Variants in GK observed in about 807,000 individuals in gnomAD.
GK encodes glycerol kinase.
In GK, 9 loss-of-function variants were observed where a neutral mutation model predicts 56.4. The ratio of observed to expected loss-of-function variants is 0.16; its 90% CI spans 0.10 to 0.28. The LOEUF (loss-of-function observed/expected upper bound fraction) is 0.28, where lower values mean the gene tolerates loss of function less well. Ranked by LOEUF, GK falls within the 10% of genes least tolerant of loss-of-function variation. The pLI is 1.00. For synonymous variants in GK, 104 were observed against 144.1 expected (o/e 0.72, Z 1.99); for missense variants, 161 against 431.4 (o/e 0.37, Z 5.55).
intron 4 of GK, chrX:30,689,631 C>A (rs1403110127): frequency 3.1e-6 from 1 of 324,595 alleles, no homozygotes; most frequent in Admixed American, 3.2e-5. Context: ...CTGCCAAGGT[C>A]AGCTGAGAAG....
chrX:30,671,160 G>A (rs5972207), intron 3 of GK, among the ~76,000 whole-genome samples: 2,946 of 107,939 alleles, frequency 0.027, 116 homozygotes, highest in African/African-American at 0.093. Flanking sequence ...GCGTGGTGGC[G>A]CACACCTGTA....
chrX:30,715,841 T>C lies in GK; in HGVS notation c.976-2697T>C, dbSNP rs760638357. On this transcript the variant is annotated intron_variant, in intron 13 of 20. Transcript: ENST00000427190. ...CAGATAAGTGTTTTTATCTACCTTT[T>C]ATTGTGTTATATTGAATCTAGTTTT... 4.5e-5 allele frequency among the ~76,000 whole-genome samples: 5 copies of C among 112,318 alleles called. No individual in the cohort carries two copies. The South Asian group carries it at 1.8e-3, about 41-fold the overall frequency.
chrX:30,712,048 C>G (rs1936349415), intron 13 of GK, among the ~76,000 whole-genome samples: 1 of 112,215 alleles, frequency 8.9e-6, no homozygotes, highest in Non-Finnish European at 1.9e-5. Context: ...GCATGCATAT[C>G]TGAGTCACTT....
intron 1 of GK, among the ~76,000 whole-genome samples, chrX:30,664,231 T>C (rs1386471148): frequency 1.0e-5 from 1 of 99,906 alleles, no homozygotes; most frequent in Non-Finnish European, 2.0e-5. Context: ...TTCACTCTTG[T>C]TGCCCAGGCT....
Position 30,730,872 on chromosome X carries a change from C to T in GK, c.*2130C>T, listed in dbSNP as rs1484324465. The T allele has an allele frequency of 1.8e-5, 2 of 111,588 alleles. No homozygotes were observed. Among genetic ancestry groups the T allele is most frequent in the Non-Finnish European group, 3.8e-5 (2 of 53,138 alleles). 9.2% of individuals were successfully genotyped at this position (111,588 alleles called of 1,213,427 possible). ...GGGCACACTCTGAAGAGTTAACCAA[C>T]AGCCAAAGAAGTAATTTCTGTAATG... On this transcript the variant is annotated 3_prime_UTR_variant, in exon 21 of 21. Transcript: ENST00000427190.
At chrX:30,653,692 C>T in intron 1 of GK, 77 bp downstream of exon 1, 1 of 924,159 alleles carries the variant, frequency 1.1e-6, no homozygotes, top group Non-Finnish European at 1.6e-6. Context: ...CTGTTGTGTC[C>T]CCATCCCGCA....
intron 4 of GK, among the ~76,000 whole-genome samples, chrX:30,689,104 CTAAA>C (rs2147189714): frequency 8.9e-6 from 1 of 112,670 alleles, no homozygotes; most frequent in East Asian, 2.8e-4. Flanking sequence ...TCAAAACTCA[CTAAA>C]TTCATTTTTA....
chrX:30,695,773 A>G (rs1327738037), intron 6 of GK, among the ~76,000 whole-genome samples: 17 of 112,426 alleles, frequency 1.5e-4, no homozygotes, highest in African/African-American at 5.2e-4. Flanking sequence ...CCGATTTTTT[A>G]TTTATCCATC....
chrX:30,692,109 G>A (rs192441780), intron 5 of GK, among the ~76,000 whole-genome samples: 3 of 110,781 alleles, frequency 2.7e-5, no homozygotes, highest in African/African-American at 3.3e-5. Context: ...TGTTTATCCC[G>A]TTTTTATTTG....
chrX:30,704,631 G>A (rs1163006044), intron 11 of GK, among the ~76,000 whole-genome samples: 2 of 108,795 alleles, frequency 1.8e-5, no homozygotes, highest in Non-Finnish European at 3.8e-5. Flanking sequence ...GAGTGCAGTG[G>A]CATGATCTCA....
chrX:30,678,673 T>G (rs1315542176), intron 4 of GK, among the ~76,000 whole-genome samples: 1 of 69,490 alleles, frequency 1.4e-5, no homozygotes, highest in Non-Finnish European at 3.2e-5. Context: ...TCTGTGGTGT[T>G]TTTTTTTTTT....
chrX:30,673,919 G>A (rs901947999), intron 3 of GK, among the ~76,000 whole-genome samples: 2 of 111,234 alleles, frequency 1.8e-5, no homozygotes, highest in Non-Finnish European at 3.8e-5. Context: ...TTGTAAAGTT[G>A]TCACACGCAC....
At chrX:30,691,749 G>A (rs995391268) in intron 5 of GK, among the ~76,000 whole-genome samples, 2 of 110,103 alleles carry the variant, frequency 1.8e-5, no homozygotes, top group Non-Finnish European at 3.8e-5. Context: ...TGGTGGGAGG[G>A]GTGCTTTCTA....
chrX:30,716,918 A>G (rs182282948), intron 13 of GK, among the ~76,000 whole-genome samples: 1 of 112,303 alleles, frequency 8.9e-6, no homozygotes, highest in Admixed American at 9.5e-5. Flanking sequence ...CCTGTGGTTA[A>G]AAAGCCATTT....
chrX:30,707,314 G>A (rs1156901027), intron 11 of GK, among the ~76,000 whole-genome samples: 1 of 101,264 alleles, frequency 9.9e-6, no homozygotes, highest in African/African-American at 3.7e-5. Flanking sequence ...TGGTGACAGA[G>A]CAAGACTCCA....
At chrX:30,719,939 T>G in intron 15 of GK, 72 bp from the exon 16 acceptor site, 1 of 731,435 alleles carries the variant, frequency 1.4e-6, no homozygotes, top group Non-Finnish European at 2.2e-6. Flanking sequence ...ATTTGACCTT[T>G]TCATATTTGA....
chrX:30,697,163 G>A (rs1164328850), intron 8 of GK, among the ~76,000 whole-genome samples: 1 of 112,542 alleles, frequency 8.9e-6, no homozygotes, highest in African/African-American at 3.2e-5. Context: ...AATTAAACTA[G>A]TTTCTGTAAT....
At chrX:30,696,336 C>CA (rs3838210) in intron 7 of GK, among the ~76,000 whole-genome samples, 185 bp downstream of exon 7, 3,578 of 111,483 alleles carry the variant, frequency 0.032, 117 homozygotes, top group African/African-American at 0.1. Context: ...ATAAACAGGC[C>CA]AAATTAATTA....
chrX:30,690,916 A>G (rs1177594193), intron 4 of GK, among the ~76,000 whole-genome samples: 1 of 112,278 alleles, frequency 8.9e-6, no homozygotes, highest in African/African-American at 3.2e-5. Context: ...GTAATTTTGC[A>G]TAAAAGCTTT....
Sources: gnomAD v4.1 joint callset for allele counts (sites outside exome capture counted in the v4.1 genomes callset) on GRCh38, gnomAD v4.1.1 for gene constraint, MANE v1.5 for transcripts, NCBI Gene and HGNC (gene_info 2026-07-23, HGNC 2026-07-21) for gene names.